Variants in LSS observed in about 807,000 individuals in gnomAD.
The protein encoded by LSS is 2,3-epoxysqualene-lanosterol cyclase.
A neutral mutation model predicts 110.3 loss-of-function variants in LSS; 90 were observed. The observed-to-expected ratio is 0.82, with a 90% CI of 0.69 to 0.97. LSS has a LOEUF of 0.97. Among genes scored for constraint, LSS ranks in the 50% least tolerant of loss-of-function variants. The pLI is 0.00. For missense variants in LSS, 927 were observed against 990.0 expected, an observed-to-expected ratio of 0.94 and a Z score of 0.85; for synonymous variants, 433 against 400.0, an observed-to-expected ratio of 1.08 and a Z score of -0.98.
intron 6 of LSS, among the ~76,000 whole-genome samples, chr21:46,217,161 C>T (rs947407480): frequency 6.7e-6 from 1 of 149,090 alleles, no homozygotes; most frequent in Non-Finnish European, 1.5e-5. Context: ...GCAGGAGAAT[C>T]GCTTGAACCT....
In LSS at chr21:46,216,436, C is replaced by T. The variant is rs150614553; in HGVS notation, c.736G>A (p.Val246Ile). 12 of 1,613,688 alleles carry T rather than the reference C, an allele frequency of 7.4e-6. No individual in the cohort carries two copies. Among genetic ancestry groups the T allele is most frequent in the African/African-American group, 2.7e-5 (2 of 74,922 alleles). ...GGGTCTTCCGCGGCACTCAGCCGAA[C>T]GGCGTAGCAGTAGCTCATGGGCAGG... ...VYLPMSYCYA[V>I]RLSAAEDPLV... The change falls in exon 7 of 22, where the codon GTT (valine) becomes ATT (isoleucine). Residue 246 changes from valine (V) to isoleucine (I), a missense_variant. Transcript: ENST00000397728. The surrounding 1 kb of genome is among the most constrained non-coding windows in gnomAD (Gnocchi z 4.2).
At chr21:46,219,090 C>A (rs943594222) in intron 6 of LSS, among the ~76,000 whole-genome samples, 1 of 152,180 alleles carries the variant, frequency 6.6e-6, no homozygotes, top group Non-Finnish European at 1.5e-5. Flanking sequence ...TCGGGACACA[C>A]TTCACATTCA....
At chr21:46,218,030 G>GCAT (rs1415948993) in intron 6 of LSS, among the ~76,000 whole-genome samples, 1 of 151,994 alleles carries the variant, frequency 6.6e-6, no homozygotes, top group Non-Finnish European at 1.5e-5. Context: ...CCCGGCCTTT[G>GCAT]CATCAGGACA....
chr21:46,203,950 G>A lies in LSS; in HGVS notation c.1670+1886C>T, dbSNP rs955815559. Among the ~76,000 whole-genome samples, 8 of 152,284 alleles carry A rather than the reference G, an allele frequency of 5.3e-5. 1 individual carries two copies. Among genetic ancestry groups the A allele is most frequent in the Admixed American group, 1.3e-4 (2 of 15,296 alleles). ...GCCTCAAATTCATATTTCAATAAAA[G>A]CCTGAAAATCAAATATCTAAGTATT... On this transcript the variant is annotated intron_variant, in intron 17 of 21. Coordinates refer to ENST00000397728, the MANE Select transcript of LSS (RefSeq NM_002340.6).
intron 5 of LSS, 148 bp downstream of exon 5, chr21:46,221,702 GTGTC>G (rs1365343701): frequency 7.9e-6 from 9 of 1,137,218 alleles, no homozygotes; most frequent in Non-Finnish European, 1.1e-5. Context: ...AGGTTAAACA[GTGTC>G]TGCCTACTTC....
chr21:46,220,764 T>C (rs1435509049), intron 5 of LSS, among the ~76,000 whole-genome samples: 7 of 150,570 alleles, frequency 4.6e-5, no homozygotes, highest in African/African-American at 1.5e-4. Context: ...CATGGAGAGG[T>C]AGCCAGGGGC....
At chr21:46,214,425 T>G (rs2080173303) in intron 9 of LSS, among the ~76,000 whole-genome samples, 1 of 152,240 alleles carries the variant, frequency 6.6e-6, no homozygotes, top group African/African-American at 2.4e-5. Context: ...AGGGACCCGC[T>G]GCAGGGTCAG....
rs748444093 is a variant in LSS, at chr21:46,219,602, T to C, written c.551-30A>G. The C allele has an allele frequency of 5.1e-5, 73 of 1,420,904 alleles. No individual in the cohort carries two copies. In the South Asian group the frequency reaches 7.5e-4, roughly 15 times the overall value. 88.0% of individuals were successfully genotyped at this position (1,420,904 alleles called of 1,614,324 possible). On this transcript the variant is annotated intron_variant, in intron 5 of 21. Transcript: ENST00000397728. ...GCGGGGAGAGAATAGGCCCACGTCA[T>C]CTGCTTCCTGTCAGCAAAGTCTGCA... is the stretch of plus-strand genomic sequence containing the variant.
rs1038857568 is a variant in LSS, at chr21:46,205,438, T to C, written c.1670+398A>G. Among the ~76,000 whole-genome samples, 17 of 152,276 alleles carry C rather than the reference T, an allele frequency of 1.1e-4. No homozygotes were observed. The East Asian group carries it at 1.5e-3, about 14-fold the overall frequency. ...TGGGGCGGGCCGAGGGCTCTGGTGG[T>C]GTCACCATGTCTAATGCTGGCACTG... On this transcript the variant is annotated intron_variant, in intron 17 of 21. Coordinates refer to ENST00000397728, the MANE Select transcript of LSS (RefSeq NM_002340.6).
At chr21:46,203,160 A>G (rs2123714104) in intron 17 of LSS, among the ~76,000 whole-genome samples, 2 of 152,384 alleles carry the variant, frequency 1.3e-5, no homozygotes, top group African/African-American at 4.8e-5. Flanking sequence ...GGGCTGACCC[A>G]GGCAGGTGGA....
chr21:46,221,684 T>C (rs2080280814), intron 5 of LSS, 170 bp downstream of exon 5: 1 of 954,026 alleles, frequency 1.0e-6, no homozygotes, highest in Non-Finnish European at 1.5e-6. Flanking sequence ...TTTTAAAAAA[T>C]GATGCCTAGG....
At position 46,215,178 on chromosome 21, in the gene LSS, A is replaced by G. The variant is rs1401553820; in HGVS notation, c.1011+2T>C. On this transcript the variant is annotated splice_donor_variant, in intron 9 of 21. Transcript: ENST00000397728. LOFTEE classifies it high-confidence loss of function. ...AGTCAGAGGCCGGGCAGGGGCACTG[A>G]CCGGGCCGATGCTGATGCTCTTGGT... The G allele has an allele frequency of 1.9e-6, 3 of 1,607,458 alleles. No individual in the cohort carries two copies. The Admixed American group carries it at 5.0e-5, about 27-fold the overall frequency.
intron 17 of LSS, among the ~76,000 whole-genome samples, chr21:46,203,077 C>A (rs1362480522): frequency 2.6e-5 from 4 of 152,214 alleles, no homozygotes; most frequent in Non-Finnish European, 4.4e-5. Flanking sequence ...GTTGCCCACT[C>A]AGGCAGGGAG....
At position 46,209,354 on chromosome 21, in the gene LSS, G is replaced by A. The variant is rs2839145; in HGVS notation, c.1266+200C>T. ...CCCAGCACCCTGCAGGCCTCAGAGA[G>A]CTGCCCCAGGTGAGGCCAGCCCGAG... On this transcript the variant is annotated intron_variant, in intron 13 of 21. Coordinates refer to ENST00000397728, the MANE Select transcript of LSS (RefSeq NM_002340.6). This position sits in a 1 kb window ranked among gnomAD's most constrained non-coding sequence, Gnocchi z 4.4. Among the ~76,000 whole-genome samples, 84,456 of 151,724 alleles carry A rather than the reference G, an allele frequency of 0.56. 23,670 individuals are homozygous for A. Among genetic ancestry groups the A allele is most frequent in the Admixed American group, 0.58 (8,922 of 15,292 alleles).
chr21:46,217,189 A>C (rs1354899723), intron 6 of LSS, among the ~76,000 whole-genome samples: 1 of 148,930 alleles, frequency 6.7e-6, no homozygotes, highest in Admixed American at 6.8e-5. Context: ...GGTTGCAGTG[A>C]GCCGAGATTG....
intron 14 of LSS, among the ~76,000 whole-genome samples, chr21:46,208,020 C>T (rs1442865755): frequency 2.6e-5 from 4 of 152,254 alleles, no homozygotes; most frequent in Non-Finnish European, 1.5e-5. Context: ...ACCACTGGAA[C>T]TGCTCTGAGG....
chr21:46,216,524 C>T lies in LSS; in HGVS notation c.648G>A (p.Trp216Ter), dbSNP rs1479284595. The T allele has an allele frequency of 6.3e-7, 1 of 1,598,992 alleles. No homozygotes were observed. The highest frequency in any genetic ancestry group is 8.5e-7 in the Non-Finnish European group (1 of 1,170,350). The change falls in exon 7 of 22, where the codon TGG becomes TGA. Residue 216 changes from tryptophan (W) to a stop codon, truncating the protein, a stop_gained and splice_region_variant. Coordinates refer to ENST00000397728, the MANE Select transcript of LSS (RefSeq NM_002340.6). LOFTEE classifies it high-confidence loss of function. This position sits in a 1 kb window ranked among gnomAD's most constrained non-coding sequence, Gnocchi z 4.2. Reference sequence around the variant, plus strand: ...GTGCCGGTGCCCAGTCAGGAAACAGCCTGGGGCAACAGCAGGAGTCAGTGG... The same window carrying T: ...GTGCCGGTGCCCAGTCAGGAAACAGTCTGGGGCAACAGCAGGAGTCAGTGG... ...EGLNTLFPEM[W>*]LFPDWAPAHP... is the part of the protein sequence containing the mutation.
intron 3 of LSS, among the ~76,000 whole-genome samples, chr21:46,226,156 A>G (rs1419537858): frequency 6.6e-6 from 1 of 152,006 alleles, no homozygotes; most frequent in Non-Finnish European, 1.5e-5. Flanking sequence ...AAAAAATACA[A>G]AAAAACTCCA....
At chr21:46,211,266 A>G (rs1241411862) in intron 11 of LSS, among the ~76,000 whole-genome samples, 1 of 152,166 alleles carries the variant, frequency 6.6e-6, no homozygotes, top group African/African-American at 2.4e-5. Flanking sequence ...AGCTGGGATT[A>G]CAGGCTCCTG....
Sources: allele counts gnomAD v4.1 joint callset (sites outside exome capture counted in the v4.1 genomes callset), GRCh38; gene constraint gnomAD v4.1.1; non-coding constraint Gnocchi (gnomAD v3.1); transcripts MANE v1.5; gene names NCBI Gene and HGNC (gene_info 2026-07-23, HGNC 2026-07-21).